The following DPP10 variants were observed in gnomAD, a reference collection of about 807,000 sequenced individuals.
DPP10 encodes dipeptidyl peptidase like 10.
Under a neutral mutation model 120.9 loss-of-function variants are expected in DPP10, and 33 were observed. The observed-to-expected ratio is 0.27, with a 90% CI of 0.21 to 0.37. DPP10 has a LOEUF of 0.37. DPP10 is among the 10% of genes least tolerant of loss of function. The probability of loss-of-function intolerance (pLI) is 1.00; values close to 1 mark genes in which losing one functional copy is unlikely to be tolerated. For missense variants in DPP10, 816 were observed against 942.8 expected, an observed-to-expected ratio of 0.87 and a Z score of 1.76; for synonymous variants, 337 against 326.1, an observed-to-expected ratio of 1.03 and a Z score of -0.36.
chr2:115,384,882 G>T (rs2066799041), intron 3 of DPP10, among the ~76,000 whole-genome samples: 1 of 152,164 alleles, frequency 6.6e-6, no homozygotes. Context: ...CCCACATATT[G>T]TGGGAGGGAC....
chr2:115,629,298 CA>C (rs1403655360), intron 5 of DPP10, among the ~76,000 whole-genome samples: 3 of 152,026 alleles, frequency 2.0e-5, no homozygotes, highest in Non-Finnish European at 4.4e-5. Flanking sequence ...GTCTTTATAG[CA>C]GCATGATTTA....
intron 1 of DPP10, among the ~76,000 whole-genome samples, chr2:114,946,533 G>A (rs570742070): frequency 4.5e-4 from 69 of 152,110 alleles, no homozygotes; most frequent in Non-Finnish European, 9.0e-4. Flanking sequence ...TAAAAAACAA[G>A]TAAATAAAAA....
intron 1 of DPP10, among the ~76,000 whole-genome samples, chr2:114,813,490 A>T (rs978885257): frequency 6.6e-5 from 10 of 152,166 alleles, no homozygotes; most frequent in African/African-American, 2.4e-4. Flanking sequence ...CTTAGTCTTT[A>T]GTTCCTTCTC....
At chr2:114,983,743 A>G (rs900467106) in intron 1 of DPP10, among the ~76,000 whole-genome samples, 3 of 152,122 alleles carry the variant, frequency 2.0e-5, no homozygotes, top group African/African-American at 4.8e-5. Flanking sequence ...AGAGCTCACT[A>G]CAAGTCAAGC....
In DPP10 at chr2:114,884,462, G is replaced by C. The variant is rs542445279; in HGVS notation, c.61-424777G>C. On this transcript the variant is annotated intron_variant, in intron 1 of 25. Transcript: ENST00000410059. ...CTAGAAGCCCCTTCAATTCCTCCAG[G>C]CCACTTCCTCCATCTTCAAAGCCAG... Among the ~76,000 whole-genome samples the C allele has an allele frequency of 2.0e-5, 3 of 152,156 alleles. No individual in the cohort carries two copies. The South Asian group carries it at 6.2e-4, about 32-fold the overall frequency.
intron 1 of DPP10, among the ~76,000 whole-genome samples, chr2:114,729,409 A>T (rs1026094526): frequency 6.6e-6 from 1 of 152,220 alleles, no homozygotes; most frequent in Admixed American, 6.5e-5. Flanking sequence ...CTCTTCGGGG[A>T]TTTGGCATAT....
At chr2:115,738,411 T>A (rs1000113491) in intron 8 of DPP10, among the ~76,000 whole-genome samples, 4 of 152,066 alleles carry the variant, frequency 2.6e-5, no homozygotes, top group Non-Finnish European at 5.9e-5. Flanking sequence ...AATCTTTACA[T>A]CATCATTGTT....
intron 1 of DPP10, among the ~76,000 whole-genome samples, chr2:114,633,858 G>T (rs553487472): frequency 4.0e-5 from 6 of 151,654 alleles, no homozygotes; most frequent in Middle Eastern, 3.2e-3. Context: ...CAAGTGATCC[G>T]CTGGCCTTAG....
intron 19 of DPP10, among the ~76,000 whole-genome samples, chr2:115,808,694 T>C (rs1171885855): frequency 1.3e-5 from 2 of 152,224 alleles, no homozygotes; most frequent in African/African-American, 4.8e-5. Context: ...GTGACATGCT[T>C]ACTTCTTTAT....
At chr2:114,876,400 A>G (rs1386356614) in intron 1 of DPP10, among the ~76,000 whole-genome samples, 1 of 152,034 alleles carries the variant, frequency 6.6e-6, no homozygotes, top group African/African-American at 2.4e-5. Context: ...GCTTCCCTCT[A>G]ATCATGGGAG....
At chr2:115,762,454 G>T (rs945263849) in intron 11 of DPP10, 118 bp from the exon 12 acceptor site, 9 of 903,728 alleles carry the variant, frequency 1.0e-5, no homozygotes, top group Non-Finnish European at 1.6e-5. Flanking sequence ...ATCTCTCATG[G>T]TGTTTCACCA....
At chr2:115,645,777 C>G (rs2087194380) in intron 5 of DPP10, among the ~76,000 whole-genome samples, 2 of 152,144 alleles carry the variant, frequency 1.3e-5, no homozygotes. Context: ...AAGCAGAAAT[C>G]AGTTGGGGAT....
intron 1 of DPP10, among the ~76,000 whole-genome samples, chr2:114,767,157 C>T (rs896713213): frequency 8.1e-6 from 1 of 124,138 alleles, no homozygotes; most frequent in African/African-American, 3.2e-5. Context: ...AACAACACAC[C>T]GAAGTATCAA....
intron 5 of DPP10, among the ~76,000 whole-genome samples, chr2:115,556,891 T>C (rs2080251829): frequency 6.6e-6 from 1 of 152,090 alleles, no homozygotes; most frequent in Admixed American, 6.6e-5. Context: ...TTGCACAGCT[T>C]TGTAACATAA....
At chr2:114,836,521 G>A (rs1232439983) in intron 1 of DPP10, among the ~76,000 whole-genome samples, 1 of 152,256 alleles carries the variant, frequency 6.6e-6, no homozygotes, top group South Asian at 2.1e-4. Flanking sequence ...GGTCACAAGA[G>A]ATCACGTGGT....
At chr2:115,324,512 T>C (rs2062240061) in intron 2 of DPP10, among the ~76,000 whole-genome samples, 1 of 152,314 alleles carries the variant, frequency 6.6e-6, no homozygotes, top group African/African-American at 2.4e-5. Flanking sequence ...AGTTTTCTTC[T>C]GTAGCCTTCT....
At chr2:115,156,356 C>A (rs553467607) in intron 1 of DPP10, among the ~76,000 whole-genome samples, 1 of 152,126 alleles carries the variant, frequency 6.6e-6, no homozygotes, top group Non-Finnish European at 1.5e-5. Context: ...TTAATGTCAG[C>A]GGATGCTCTA....
At chr2:115,254,550 A>G (rs1043284871) in intron 1 of DPP10, among the ~76,000 whole-genome samples, 1 of 152,236 alleles carries the variant, frequency 6.6e-6, no homozygotes, top group Admixed American at 6.5e-5. Flanking sequence ...AACTCATTCC[A>G]ACATTAACCC....
intron 5 of DPP10, among the ~76,000 whole-genome samples, chr2:115,534,343 G>A (rs2078665056): frequency 6.6e-6 from 1 of 151,696 alleles, no homozygotes; most frequent in South Asian, 2.1e-4. Flanking sequence ...TCCCACCTAT[G>A]AGTGAGAATA....
Sources: gnomAD v4.1 joint callset for allele counts (sites outside exome capture counted in the v4.1 genomes callset) on GRCh38, gnomAD v4.1.1 for gene constraint, MANE v1.5 for transcripts, NCBI Gene and HGNC (gene_info 2026-07-23, HGNC 2026-07-21) for gene names.